Variants in MARK2 observed in about 807,000 individuals in gnomAD.
MARK2 encodes serine/threonine-protein kinase MARK2.
In MARK2, 16 loss-of-function variants were observed where a neutral mutation model predicts 89.8. That is an observed-to-expected ratio of 0.18 (90% CI 0.12 to 0.27). The LOEUF (loss-of-function observed/expected upper bound fraction) is 0.27, where lower values mean the gene tolerates loss of function less well. Among genes scored for constraint, MARK2 ranks in the 10% least tolerant of loss-of-function variants. The probability of loss-of-function intolerance (pLI) is 1.00; values close to 1 mark genes in which losing one functional copy is unlikely to be tolerated. For missense variants in MARK2, 621 were observed against 1,049.9 expected, an observed-to-expected ratio of 0.59 and a Z score of 5.65; for synonymous variants, 382 against 399.5, an observed-to-expected ratio of 0.96 and a Z score of 0.52.
rs1324235887 is a variant in MARK2 at position 63,910,700 on chromosome 11, C to G, written c.*1463C>G. On this transcript the variant is annotated 3_prime_UTR_variant, in exon 19 of 19. Coordinates refer to ENST00000402010, the MANE Select transcript of MARK2 (RefSeq NM_001039469.3). ...ATGACTCCACCCCTCTTCATCACCC[C>G]CGCTCCCAGGCCAGGCTCAGCGATT... The G allele has an allele frequency of 6.6e-6, 1 of 151,222 alleles. No individual in the cohort carries two copies. The highest frequency in any genetic ancestry group is 2.4e-5 in the African/African-American group (1 of 41,154). 9.4% of individuals were successfully genotyped at this position (151,222 alleles called of 1,614,324 possible).
intron 1 of MARK2, among the ~76,000 whole-genome samples, chr11:63,886,974 G>A (rs1939437569): frequency 6.6e-6 from 1 of 152,248 alleles, no homozygotes; most frequent in African/African-American, 2.4e-5. Flanking sequence ...GCAAGCTTGA[G>A]CCCAGGATCC....
chr11:63,848,019 A>G (rs2016366303), intron 1 of MARK2, among the ~76,000 whole-genome samples: 1 of 152,210 alleles, frequency 6.6e-6, no homozygotes, highest in Admixed American at 6.5e-5. Context: ...GCTCTTTGGC[A>G]GCTTACAGGG....
rs754935571 is a variant in MARK2, at chr11:63,895,381, G to C, written c.234+43G>C. ...GGACATGGCAGCACCTCCCAGCCCT[G>C]TTGACACTCCAGCAGGTGGTGATGG... On this transcript the variant is annotated intron_variant, in intron 2 of 18. Coordinates refer to ENST00000402010, the MANE Select transcript of MARK2 (RefSeq NM_001039469.3). 1.8e-5 allele frequency: 28 copies of C among 1,589,706 alleles called. No homozygotes were observed. In the Admixed American group the frequency reaches 4.7e-4, roughly 27 times the overall value.
At chr11:63,908,576 C>T (rs1941537700) in intron 18 of MARK2, among the ~76,000 whole-genome samples, 1 of 152,186 alleles carries the variant, frequency 6.6e-6, no homozygotes. Flanking sequence ...ACTATCCCAC[C>T]TCCCTGTGCT....
At chr11:63,869,025 A>C (rs1938296180) in intron 1 of MARK2, 2 of 362,038 alleles carry the variant, frequency 5.5e-6, no homozygotes, top group Admixed American at 3.4e-5. Context: ...GAGTGAGGGA[A>C]GAGTGAGAAG....
chr11:63,885,399 C>T (rs140514518), intron 1 of MARK2, among the ~76,000 whole-genome samples: 4 of 151,506 alleles, frequency 2.6e-5, no homozygotes, highest in East Asian at 2.0e-4. Context: ...ATTAGCCGGG[C>T]GTATTGCTGT....
In MARK2 at chr11:63,904,022, T is replaced by A; in HGVS notation, c.1551T>A (p.Ser517=). Residue 517 remains serine (S), a synonymous_variant, in exon 15 of 19, where the codon TCT becomes TCA. Transcript: ENST00000402010. The surrounding 1 kb of genome is among the most constrained non-coding windows in gnomAD (Gnocchi z 6.3). ...TMPGSRASTA[S]ASAAVSAARP... ...CAGGGTCCCGGGCCTCCACGGCTTC[T>A]GCTTCTGCCGCAGTCTCTGCGGCCC... is the stretch of plus-strand genomic sequence containing the variant. 6.2e-7 allele frequency: 1 copy of A among 1,609,190 alleles called. No homozygotes were observed. The highest frequency in any genetic ancestry group is 8.5e-7 in the Non-Finnish European group (1 of 1,179,274).
chr11:63,861,924 CTT>C (rs71039682), intron 1 of MARK2, among the ~76,000 whole-genome samples: 28 of 97,652 alleles, frequency 2.9e-4, no homozygotes, highest in Admixed American at 3.8e-4. Flanking sequence ...TTCTTTCTTT[CTT>C]TTTTTTTTTT....
chr11:63,854,219 T>A (rs879614729), intron 1 of MARK2, among the ~76,000 whole-genome samples: 188 of 143,446 alleles, frequency 1.3e-3, no homozygotes, highest in African/African-American at 2.9e-3. Context: ...TGTGTGTGTG[T>A]GACAAGGTCT....
intron 4 of MARK2, 115 bp from the exon 5 acceptor site, chr11:63,898,493 G>T (rs976792304): frequency 1.1e-6 from 1 of 928,280 alleles, no homozygotes; most frequent in East Asian, 2.4e-5. Flanking sequence ...TCTTGGGAGT[G>T]GGGGATCATG....
In MARK2 at chr11:63,903,584, G is replaced by A. The variant is rs547905291; in HGVS notation, c.1515-402G>A. Reference sequence around the variant, plus strand: ...AGACCAGAGCTCCCCAGCCTTCACCGGCCGCATTTCTTGGTGTTGCATTCC... The same window carrying A: ...AGACCAGAGCTCCCCAGCCTTCACCAGCCGCATTTCTTGGTGTTGCATTCC... On this transcript the variant is annotated intron_variant, in intron 14 of 18. Transcript: ENST00000402010. This position sits in a 1 kb window ranked among gnomAD's most constrained non-coding sequence, Gnocchi z 5.1. Among the ~76,000 whole-genome samples, 40 of 151,794 alleles carry A rather than the reference G, an allele frequency of 2.6e-4. No homozygotes were observed. The highest frequency in any genetic ancestry group is 8.9e-4 in the African/African-American group (37 of 41,366).
intron 17 of MARK2, 93 bp from the exon 18 acceptor site, chr11:63,908,167 G>A (rs1307617281): frequency 1.7e-6 from 2 of 1,188,908 alleles, no homozygotes; most frequent in East Asian, 2.6e-5. Context: ...ACCCACTGGT[G>A]GCACCTCCCC....
chr11:63,856,309 T>G (rs757682249), intron 1 of MARK2, among the ~76,000 whole-genome samples: 9 of 77,880 alleles, frequency 1.2e-4, no homozygotes, highest in East Asian at 1.3e-3. Flanking sequence ...GCCCTGTGGG[T>G]TTTTTTTTTT....
rs1480349835 is a variant in MARK2, at chr11:63,902,456, A to G, written c.1234+126A>G. 3 of 1,403,012 alleles carry G rather than the reference A, an allele frequency of 2.1e-6. No homozygotes were observed. Among genetic ancestry groups the G allele is most frequent in the East Asian group, 2.4e-5 (1 of 42,128 alleles). 86.9% of individuals were successfully genotyped at this position (1,403,012 alleles called of 1,614,324 possible). ...TCAGCCACTTATTAGTAGTGTGGCT[A>G]TGGGCAAGCCACTTCCCTTCCCTCG... On this transcript the variant is annotated intron_variant, in intron 12 of 18. Coordinates refer to ENST00000402010, the MANE Select transcript of MARK2 (RefSeq NM_001039469.3). This position sits in a 1 kb window ranked among gnomAD's most constrained non-coding sequence, Gnocchi z 4.2.
intron 1 of MARK2, among the ~76,000 whole-genome samples, chr11:63,854,632 C>T (rs1371566859): frequency 6.6e-6 from 1 of 151,510 alleles, no homozygotes; most frequent in Non-Finnish European, 1.5e-5. Flanking sequence ...GTAAGGAGTT[C>T]GAGACCAGCC....
intron 4 of MARK2, 50 bp from the exon 5 acceptor site, chr11:63,898,558 A>G: frequency 1.4e-6 from 2 of 1,383,350 alleles, no homozygotes; most frequent in Non-Finnish European, 2.1e-6. Context: ...GGAGAGCAGT[A>G]TGTGGCCCCT....
chr11:63,882,222 T>A (rs200693397), intron 1 of MARK2, among the ~76,000 whole-genome samples: 1 of 43,874 alleles, frequency 2.3e-5, no homozygotes, highest in Non-Finnish European at 7.7e-5. Flanking sequence ...AAAATAATAA[T>A]TTTTTTTTTG....
intron 1 of MARK2, among the ~76,000 whole-genome samples, chr11:63,846,838 A>G (rs1183991179): frequency 1.3e-5 from 2 of 151,860 alleles, no homozygotes; most frequent in African/African-American, 2.4e-5. Flanking sequence ...TTGTATTTTC[A>G]GTAGAGACGG....
At position 63,904,726 on chromosome 11, in the gene MARK2, C is replaced by T. The variant is rs1390383003; in HGVS notation, c.1677-60C>T. ...TCCCCACCACAGGGTGTCCAGGTGC[C>T]CAGTGATGGCTGTCCTGTACCCTAA... On this transcript the variant is annotated intron_variant, in intron 15 of 18. Coordinates refer to ENST00000402010, the MANE Select transcript of MARK2 (RefSeq NM_001039469.3). This position sits in a 1 kb window ranked among gnomAD's most constrained non-coding sequence, Gnocchi z 6.3. 3 of 1,536,736 alleles carry T rather than the reference C, an allele frequency of 2.0e-6. No homozygotes were observed. Among genetic ancestry groups the T allele is most frequent in the East Asian group, 4.5e-5 (2 of 44,202 alleles).
Sources: allele counts gnomAD v4.1 joint callset (sites outside exome capture counted in the v4.1 genomes callset), GRCh38; gene constraint gnomAD v4.1.1; non-coding constraint Gnocchi (gnomAD v3.1); transcripts MANE v1.5; gene names NCBI Gene and HGNC (gene_info 2026-07-23, HGNC 2026-07-21).